The following SSBP2 variants were observed in gnomAD, a reference collection of about 807,000 sequenced individuals.
The protein encoded by SSBP2 is single stranded DNA binding protein 2.
Under a neutral mutation model 61.8 loss-of-function variants are expected in SSBP2, and 17 were observed. The ratio of observed to expected loss-of-function variants is 0.28; its 90% CI spans 0.19 to 0.41. The LOEUF is 0.41. SSBP2 is among the 10% of genes least tolerant of loss of function. The pLI is 1.00. For synonymous variants in SSBP2, 139 were observed against 141.3 expected (o/e 0.98, Z 0.12); for missense variants, 310 against 458.7 (o/e 0.68, Z 2.96).
intron 1 of SSBP2, among the ~76,000 whole-genome samples, chr5:81,722,850 GGT>G (rs202161240): frequency 0.016 from 2,482 of 151,896 alleles, 75 homozygotes; most frequent in African/African-American, 0.056. Flanking sequence ...ACCATCTTCT[GGT>G]GTACATGCAT....
intron 4 of SSBP2, among the ~76,000 whole-genome samples, chr5:81,565,686 G>A (rs1443503244): frequency 1.3e-5 from 2 of 151,988 alleles, no homozygotes; most frequent in African/African-American, 2.4e-5. Context: ...AGAACCAACC[G>A]TATCTTTTAT....
chr5:81,588,493 T>C (rs1029577178), intron 4 of SSBP2, among the ~76,000 whole-genome samples: 4 of 152,088 alleles, frequency 2.6e-5, no homozygotes, highest in Middle Eastern at 3.2e-3. Flanking sequence ...GCAGAGGTTA[T>C]GACAATTCAG....
intron 2 of SSBP2, among the ~76,000 whole-genome samples, chr5:81,640,427 T>A (rs990089327): frequency 2.0e-5 from 3 of 152,112 alleles, no homozygotes; most frequent in African/African-American, 7.2e-5. Flanking sequence ...GAACTTGAAG[T>A]TAGAAAAACT....
At chr5:81,639,225 A>T (rs887126126) in intron 2 of SSBP2, among the ~76,000 whole-genome samples, 3 of 152,226 alleles carry the variant, frequency 2.0e-5, no homozygotes, top group Non-Finnish European at 2.9e-5. Context: ...ATAAAATAAG[A>T]GTTTTTAAAA....
chr5:81,533,006 T>C (rs1360809583), intron 4 of SSBP2, among the ~76,000 whole-genome samples: 2 of 151,936 alleles, frequency 1.3e-5, no homozygotes, highest in Admixed American at 1.3e-4. Context: ...GAATATAAAA[T>C]ACTAGAACCA....
chr5:81,687,261 C>G (rs931954258), intron 1 of SSBP2, among the ~76,000 whole-genome samples: 3 of 152,204 alleles, frequency 2.0e-5, no homozygotes, highest in South Asian at 4.1e-4. Context: ...AGAGCAACAC[C>G]GAACAGAACT....
At chr5:81,466,033 G>A (rs1420898163) in intron 9 of SSBP2, among the ~76,000 whole-genome samples, 1 of 151,892 alleles carries the variant, frequency 6.6e-6, no homozygotes. Flanking sequence ...ATTTCACAGT[G>A]TATCTTCAAT....
intron 4 of SSBP2, among the ~76,000 whole-genome samples, chr5:81,516,656 T>C (rs1019379149): frequency 2.6e-5 from 4 of 152,072 alleles, no homozygotes; most frequent in African/African-American, 4.8e-5. Flanking sequence ...CATTAACATA[T>C]ACTGATAATA....
At chr5:81,748,328 T>C (rs140518174) in intron 1 of SSBP2, among the ~76,000 whole-genome samples, 3 of 152,338 alleles carry the variant, frequency 2.0e-5, no homozygotes, top group South Asian at 2.1e-4. Context: ...CTTCACCTTT[T>C]ATAATCTGTT....
chr5:81,731,941 T>C (rs1016469468), intron 1 of SSBP2, among the ~76,000 whole-genome samples: 1 of 152,016 alleles, frequency 6.6e-6, no homozygotes, highest in Non-Finnish European at 1.5e-5. Context: ...TGCTGCTTCA[T>C]CACTGCAGTG....
chr5:81,617,765 C>T (rs1291611431), intron 3 of SSBP2, among the ~76,000 whole-genome samples: 1 of 88,860 alleles, frequency 1.1e-5, no homozygotes, highest in African/African-American at 4.5e-5. Flanking sequence ...CGGCAGAAAC[C>T]CTACAAGCCA....
intron 1 of SSBP2, among the ~76,000 whole-genome samples, chr5:81,730,699 T>G (rs1365944052): frequency 6.6e-6 from 1 of 152,190 alleles, no homozygotes; most frequent in Non-Finnish European, 1.5e-5. Flanking sequence ...AATTTTCCAT[T>G]GACTAGATTT....
chr5:81,494,555 T>C (rs549390390), intron 5 of SSBP2, among the ~76,000 whole-genome samples: 1 of 152,310 alleles, frequency 6.6e-6, no homozygotes, highest in South Asian at 2.1e-4. Context: ...GATGATCTCT[T>C]TCCTTCTGCC....
At chr5:81,455,433 C>A in intron 10 of SSBP2, among the ~76,000 whole-genome samples, 1 of 58,854 alleles carries the variant, frequency 1.7e-5, no homozygotes, top group Non-Finnish European at 2.9e-5. Flanking sequence ...TCCTGGCTAA[C>A]AAGGTGAAAC....
At chr5:81,465,436 G>A (rs1394740733) in intron 9 of SSBP2, among the ~76,000 whole-genome samples, 2 of 151,960 alleles carry the variant, frequency 1.3e-5, no homozygotes, top group African/African-American at 4.8e-5. Flanking sequence ...ACAATTGGAA[G>A]CAGTTATTTT....
intron 4 of SSBP2, among the ~76,000 whole-genome samples, chr5:81,554,216 T>G (rs1772421399): frequency 6.6e-6 from 1 of 152,034 alleles, no homozygotes; most frequent in Non-Finnish European, 1.5e-5. Flanking sequence ...ATGTGTAGAC[T>G]TTTTTAGTCC....
intron 5 of SSBP2, among the ~76,000 whole-genome samples, chr5:81,507,351 C>T (rs564104127): frequency 6.6e-6 from 1 of 152,056 alleles, no homozygotes; most frequent in Non-Finnish European, 1.5e-5. Flanking sequence ...ATCTTATCCA[C>T]GTCAAAGTCT....
At chr5:81,710,331 GC>G (rs895241595) in intron 1 of SSBP2, among the ~76,000 whole-genome samples, 9 of 152,032 alleles carry the variant, frequency 5.9e-5, no homozygotes, top group Non-Finnish European at 1.0e-4. Flanking sequence ...ATATAAATAT[GC>G]TTTTGTATCT....
At chr5:81,510,088 C>G (rs995932627) in intron 5 of SSBP2, among the ~76,000 whole-genome samples, 2 of 152,180 alleles carry the variant, frequency 1.3e-5, no homozygotes, top group East Asian at 3.9e-4. Context: ...CCCTCTCATT[C>G]TGTACTTTCT....
Sources: gnomAD v4.1 joint callset for allele counts (sites outside exome capture counted in the v4.1 genomes callset) on GRCh38, gnomAD v4.1.1 for gene constraint, MANE v1.5 for transcripts, NCBI Gene and HGNC (gene_info 2026-07-23, HGNC 2026-07-21) for gene names.